The following MSI2 variants were observed in gnomAD, a reference collection of about 807,000 sequenced individuals.
The protein encoded by MSI2 is RNA-binding protein Musashi homolog 2.
MSI2 carries 17 observed loss-of-function variants against 45.6 expected under a neutral mutation model. The ratio of observed to expected loss-of-function variants is 0.37; its 90% confidence interval spans 0.26 to 0.56. The LOEUF (loss-of-function observed/expected upper bound fraction) is 0.56, where lower values mean the gene tolerates loss of function less well. Ranked by LOEUF, MSI2 falls within the 20% of genes least tolerant of loss-of-function variation. MSI2 has a pLI of 0.77. For missense variants in MSI2, 293 were observed against 444.2 expected (o/e 0.66, Z 3.06); for synonymous variants, 156 against 158.2 (o/e 0.99, Z 0.11).
intron 5 of MSI2, among the ~76,000 whole-genome samples, chr17:57,285,611 G>T (rs13353194): frequency 6.6e-6 from 1 of 152,080 alleles, no homozygotes; most frequent in African/African-American, 2.4e-5. Context: ...TTTGTGGAAG[G>T]TTCCGGCCCC....
chr17:57,341,515 C>T (rs570135833), intron 5 of MSI2, among the ~76,000 whole-genome samples: 1 of 152,190 alleles, frequency 6.6e-6, no homozygotes, highest in Non-Finnish European at 1.5e-5. Context: ...GTCCTGTGTA[C>T]GACCAGGTTC....
chr17:57,591,927 C>T (rs562420631), intron 7 of MSI2, among the ~76,000 whole-genome samples: 2 of 152,104 alleles, frequency 1.3e-5, no homozygotes, highest in South Asian at 4.2e-4. Context: ...AATCCCAGCA[C>T]TTTGGGAGGC....
intron 6 of MSI2, among the ~76,000 whole-genome samples, chr17:57,474,334 C>A (rs1428993721): frequency 6.6e-6 from 1 of 152,130 alleles, no homozygotes; most frequent in Non-Finnish European, 1.5e-5. Flanking sequence ...GAACATCCCC[C>A]ACAAAATGAC....
At chr17:57,471,210 A>C (rs7218665) in intron 6 of MSI2, among the ~76,000 whole-genome samples, 117,505 of 151,014 alleles carry the variant, frequency 0.78, 46,130 homozygotes, top group East Asian at 0.91. Context: ...AGCTCCATCC[A>C]AGGTTTCTCG....
intron 6 of MSI2, among the ~76,000 whole-genome samples, chr17:57,494,859 C>T (rs928247239): frequency 6.6e-6 from 1 of 151,960 alleles, no homozygotes; most frequent in African/African-American, 2.4e-5. Context: ...AGAACAGAAA[C>T]GAATCCCGGT....
chr17:57,614,692 A>T lies in MSI2; in HGVS notation c.538-1278A>T, dbSNP rs28690961. On this transcript the variant is annotated intron_variant, in intron 8 of 13. Transcript: ENST00000284073. ...CAGCAGTGGGATTGATGACTGGCTA[A>T]CAATGCTTGTTAAATTTCTCTGTAA... Among the ~76,000 whole-genome samples the T allele has an allele frequency of 9.9e-4, 151 of 152,364 alleles. 1 individual carries two copies. Among genetic ancestry groups the T allele is most frequent in the African/African-American group, 3.4e-3 (143 of 41,582 alleles).
In MSI2 at chr17:57,623,323, C is replaced by T. The variant is rs550638434; in HGVS notation, c.653-3906C>T. On this transcript the variant is annotated intron_variant, in intron 9 of 13. Coordinates refer to ENST00000284073, the MANE Select transcript of MSI2 (RefSeq NM_138962.4). Reference sequence around the variant, plus strand: ...TTCAAGTCTGGGGCCTGGTGGGAGCCGTTTTCCATGACTCTGAGTAGCTGA... The same window carrying T: ...TTCAAGTCTGGGGCCTGGTGGGAGCTGTTTTCCATGACTCTGAGTAGCTGA... 5.3e-5 allele frequency among the ~76,000 whole-genome samples: 8 copies of T among 152,208 alleles called. No individual in the cohort carries two copies. In the South Asian group the frequency reaches 6.2e-4, roughly 12 times the overall value.
At chr17:57,486,321 T>C (rs2085754500) in intron 6 of MSI2, among the ~76,000 whole-genome samples, 1 of 152,218 alleles carries the variant, frequency 6.6e-6, no homozygotes, top group Non-Finnish European at 1.5e-5. Flanking sequence ...AGCAGAGATA[T>C]TGCTTTCTTT....
chr17:57,312,371 A>T (rs1003929943), intron 5 of MSI2, among the ~76,000 whole-genome samples: 2 of 152,156 alleles, frequency 1.3e-5, no homozygotes, highest in Admixed American at 6.5e-5. Context: ...AACTGGAGGA[A>T]ACCTGGTGTG....
At chr17:57,696,990 G>A in the MSI2 span, among the ~76,000 whole-genome samples, 2 of 152,018 alleles carry the variant, frequency 1.3e-5, no homozygotes, top group Admixed American at 1.3e-4. Flanking sequence ...ATATTCCATG[G>A]GACCAGAGCT....
intron 10 of MSI2, among the ~76,000 whole-genome samples, chr17:57,636,486 G>A (rs1026533788): frequency 1.9e-4 from 29 of 152,124 alleles, no homozygotes; most frequent in Admixed American, 1.7e-3. Context: ...AGACCTCTGC[G>A]GTCAGTCCCC....
chr17:57,501,803 T>C (rs1443685972), intron 6 of MSI2, among the ~76,000 whole-genome samples: 2 of 152,224 alleles, frequency 1.3e-5, no homozygotes, highest in African/African-American at 4.8e-5. Context: ...ACACAGTCAT[T>C]ACATGTCTTG....
intron 2 of MSI2, 44 bp downstream of exon 2, chr17:57,257,182 C>A: frequency 7.8e-7 from 1 of 1,279,004 alleles, no homozygotes; most frequent in South Asian, 1.3e-5. Context: ...CCCTTCTTGG[C>A]TTCTTTATTG....
At chr17:57,576,665 A>C (rs1320396371) in intron 7 of MSI2, among the ~76,000 whole-genome samples, 1 of 151,990 alleles carries the variant, frequency 6.6e-6, no homozygotes, top group Non-Finnish European at 1.5e-5. Flanking sequence ...GAGGCACAAG[A>C]ATCGCTTGAA....
chr17:57,450,275 GAA>G (rs200087369), intron 6 of MSI2: 2 of 98,268 alleles, frequency 2.0e-5, no homozygotes, highest in African/African-American at 9.3e-5. Flanking sequence ...AAGAAAGAAA[GAA>G]AGAAAGAAAG....
chr17:57,614,826 G>T (rs1009320658), intron 8 of MSI2, among the ~76,000 whole-genome samples: 1 of 152,110 alleles, frequency 6.6e-6, no homozygotes, highest in Non-Finnish European at 1.5e-5. Context: ...TTTATAGTTC[G>T]CATAGTTAAG....
chr17:57,574,462 C>T (rs1031444186), intron 7 of MSI2, among the ~76,000 whole-genome samples: 22 of 152,174 alleles, frequency 1.4e-4, no homozygotes, highest in Admixed American at 1.3e-3. Flanking sequence ...CGGGGCAGGG[C>T]GGAGAAGCCA....
intron 6 of MSI2, among the ~76,000 whole-genome samples, chr17:57,435,203 G>T (rs1444199508): frequency 6.6e-6 from 1 of 152,154 alleles, no homozygotes; most frequent in Non-Finnish European, 1.5e-5. Context: ...TGGTTTTGAA[G>T]CTAAGCCCTG....
chr17:57,342,443 A>G (rs1440229282), intron 5 of MSI2, among the ~76,000 whole-genome samples: 3 of 152,208 alleles, frequency 2.0e-5, no homozygotes, highest in Non-Finnish European at 4.4e-5. Flanking sequence ...TTAGTAGAAA[A>G]GTTTGTAGCT....
Sources: allele counts gnomAD v4.1 joint callset (sites outside exome capture counted in the v4.1 genomes callset), GRCh38; gene constraint gnomAD v4.1.1; transcripts MANE v1.5; gene names NCBI Gene and HGNC (gene_info 2026-07-23, HGNC 2026-07-21).